The following LRRC7 variants were observed in gnomAD, a reference collection of about 807,000 sequenced individuals.
LRRC7 encodes leucine rich repeat containing 7.
LRRC7 carries 23 observed loss-of-function variants against 175.7 expected under a neutral mutation model. The observed-to-expected ratio is 0.13, with a 90% CI of 0.09 to 0.19. LRRC7 has a LOEUF of 0.19. LRRC7 is among the 10% of genes least tolerant of loss of function. The pLI is 1.00. For synonymous variants in LRRC7, 685 were observed against 680.9 expected, an observed-to-expected ratio of 1.01 and a Z score of -0.09; for missense variants, 1,354 against 1,904.7, an observed-to-expected ratio of 0.71 and a Z score of 5.38.
At chr1:69,885,482 C>A (rs985703123) in intron 7 of LRRC7, among the ~76,000 whole-genome samples, 1 of 142,776 alleles carries the variant, frequency 7.0e-6, no homozygotes, top group Non-Finnish European at 1.5e-5. Context: ...TCATTTTTTA[C>A]TGTGTCTATT....
chr1:69,749,444 T>A (rs1408017294), intron 2 of LRRC7, among the ~76,000 whole-genome samples: 2 of 152,120 alleles, frequency 1.3e-5, no homozygotes, highest in Admixed American at 6.5e-5. Flanking sequence ...TAAGCTTCAA[T>A]AAGTGCTCCA....
intron 7 of LRRC7, among the ~76,000 whole-genome samples, chr1:69,921,560 C>G (rs1221753104): frequency 6.6e-6 from 1 of 152,166 alleles, no homozygotes; most frequent in Non-Finnish European, 1.5e-5. Context: ...TTAATCAAGT[C>G]ATGTCTTTTT....
At chr1:69,961,084 C>T (rs1292086155) in intron 8 of LRRC7, among the ~76,000 whole-genome samples, 2 of 152,112 alleles carry the variant, frequency 1.3e-5, no homozygotes, top group African/African-American at 2.4e-5. Context: ...TAGAAAACTC[C>T]ATTGTCTCAG....
chr1:69,973,022 A>G (rs1337900094), intron 8 of LRRC7, among the ~76,000 whole-genome samples: 2 of 146,372 alleles, frequency 1.4e-5, no homozygotes, highest in African/African-American at 2.5e-5. Flanking sequence ...TATACTATAT[A>G]TAAATACTAC....
intron 7 of LRRC7, among the ~76,000 whole-genome samples, chr1:69,907,286 T>A (rs1466592810): frequency 6.6e-6 from 1 of 152,218 alleles, no homozygotes; most frequent in Non-Finnish European, 1.5e-5. Context: ...GGCCAGAATT[T>A]CCAACACTAT....
chr1:69,995,434 G>A (rs1335383835), intron 11 of LRRC7, among the ~76,000 whole-genome samples: 1 of 151,278 alleles, frequency 6.6e-6, no homozygotes, highest in Non-Finnish European at 1.5e-5. Flanking sequence ...TTAAGTTTTA[G>A]GGTACATGTG....
At chr1:69,922,118 G>T (rs1316333819) in intron 7 of LRRC7, among the ~76,000 whole-genome samples, 1 of 152,076 alleles carries the variant, frequency 6.6e-6, no homozygotes, top group South Asian at 2.1e-4. Context: ...AGAGACGGGG[G>T]TTTCACCATG....
At chr1:69,668,985 A>G (rs1483276636) in intron 1 of LRRC7, among the ~76,000 whole-genome samples, 1 of 151,886 alleles carries the variant, frequency 6.6e-6, no homozygotes, top group African/African-American at 2.4e-5. Flanking sequence ...CCACTTTTTG[A>G]TAGGGTTGTT....
At chr1:69,993,588 T>C (rs1327668462) in intron 10 of LRRC7, among the ~76,000 whole-genome samples, 2 of 151,852 alleles carry the variant, frequency 1.3e-5, no homozygotes, top group Non-Finnish European at 2.9e-5. Context: ...GAGAGTCACA[T>C]TGGTATGTTA....
intron 7 of LRRC7, among the ~76,000 whole-genome samples, chr1:69,893,914 A>G (rs1447576173): frequency 1.3e-5 from 2 of 152,202 alleles, no homozygotes; most frequent in African/African-American, 4.8e-5. Flanking sequence ...GATGAATGAG[A>G]AACTGATGAA....
At chr1:69,736,649 TAC>T (rs1175095204) in intron 2 of LRRC7, among the ~76,000 whole-genome samples, 1 of 152,092 alleles carries the variant, frequency 6.6e-6, no homozygotes, top group South Asian at 2.1e-4. Context: ...GGTGAATAAA[TAC>T]AGTTTTTATA....
chr1:69,647,816 G>A (rs1350583694), intron 1 of LRRC7, among the ~76,000 whole-genome samples: 1 of 151,912 alleles, frequency 6.6e-6, no homozygotes, highest in Admixed American at 6.6e-5. Flanking sequence ...CATATGGGAT[G>A]ATTTTTTCAA....
chr1:69,935,332 A>T (rs917987633), intron 8 of LRRC7, among the ~76,000 whole-genome samples: 1 of 152,072 alleles, frequency 6.6e-6, no homozygotes, highest in Non-Finnish European at 1.5e-5. Context: ...TAGATTTAAA[A>T]TTTTGCTATA....
At chr1:69,634,080 A>G (rs75353440) in intron 1 of LRRC7, among the ~76,000 whole-genome samples, 12,928 of 152,142 alleles carry the variant, frequency 0.085, 713 homozygotes, top group Admixed American at 0.14. Flanking sequence ...TTAATAAAAA[A>G]TTAACATTTT....
At position 69,928,531 on chromosome 1, in the gene LRRC7, G is replaced by A. The variant is rs569095962; in HGVS notation, c.648-2976G>A. Among the ~76,000 whole-genome samples, 861 of 152,278 alleles carry A rather than the reference G, an allele frequency of 5.7e-3. 4 individuals carry two copies. The highest frequency in any genetic ancestry group is 0.019 in the African/African-American group (794 of 41,560). ...CAATGGTGGGCGCCCCTCCCCCAGC[G>A]TTGCTGCCGCCTTGCAGTTTGATCT... On this transcript the variant is annotated intron_variant, in intron 7 of 26. Coordinates refer to ENST00000651989, the MANE Select transcript of LRRC7 (RefSeq NM_001370785.2).
intron 23 of LRRC7, 87 bp from the exon 24 acceptor site, chr1:70,075,990 C>A: frequency 7.1e-7 from 1 of 1,398,934 alleles, no homozygotes; most frequent in Non-Finnish European, 1.0e-6. Context: ...GCCGCTTTAC[C>A]AGAGAGGTAT....
Position 70,142,859 on chromosome 1 carries a change from T to TAAG in LRRC7, c.*20975_*20977dup, listed in dbSNP as rs963776824. 17 of 152,200 alleles carry TAAG rather than the reference T, an allele frequency of 1.1e-4. No homozygotes were observed. The highest frequency in any genetic ancestry group is 3.9e-4 in the African/African-American group (16 of 41,558). The allele number at this position is 152,200 out of a possible 1,614,324, so 9.4% of individuals were successfully genotyped here. On this transcript the variant is annotated 3_prime_UTR_variant, in exon 27 of 27. Transcript: ENST00000651989. ...AGTGGTAGGTTTTCAGATGGTTTGT[T>TAAG]AAGAATTATATGTAAAAGGATACTA...
At chr1:69,581,710 T>G (rs1646209724) in intron 1 of LRRC7, among the ~76,000 whole-genome samples, 1 of 152,220 alleles carries the variant, frequency 6.6e-6, no homozygotes, top group Non-Finnish European at 1.5e-5. Context: ...GAAAAAAGTT[T>G]TTAAATATAT....
At chr1:69,642,062 G>A (rs1393479439) in intron 1 of LRRC7, among the ~76,000 whole-genome samples, 1 of 151,834 alleles carries the variant, frequency 6.6e-6, no homozygotes, top group African/African-American at 2.4e-5. Flanking sequence ...ATTTCATGTG[G>A]TTGAATACAA....
Sources: gnomAD v4.1 joint callset for allele counts (sites outside exome capture counted in the v4.1 genomes callset) on GRCh38, gnomAD v4.1.1 for gene constraint, MANE v1.5 for transcripts, NCBI Gene and HGNC (gene_info 2026-07-23, HGNC 2026-07-21) for gene names.